CCDC149: variants seen among roughly 807,000 people sequenced by gnomAD.
The protein encoded by CCDC149 is coiled-coil domain-containing protein 149.
Under a neutral mutation model 59.9 loss-of-function variants are expected in CCDC149, and 45 were observed. The observed-to-expected ratio is 0.75, with a 90% CI of 0.59 to 0.96. The LOEUF is 0.96. Ranked by LOEUF, CCDC149 falls within the 40% of genes least tolerant of loss-of-function variation. The pLI is 0.00. For missense variants in CCDC149, 584 were observed against 664.7 expected (o/e 0.88, Z 1.33); for synonymous variants, 245 against 260.6 (o/e 0.94, Z 0.58).
At chr4:24,897,404 C>T (rs114824470) in intron 1 of CCDC149, among the ~76,000 whole-genome samples, 3,088 of 152,142 alleles carry the variant, frequency 0.02, 109 homozygotes, top group African/African-American at 0.07. Context: ...TTTGGGCCAA[C>T]ATGAGAGCTG....
At chr4:24,878,223 A>AG (rs1158003601) in intron 1 of CCDC149, among the ~76,000 whole-genome samples, 3 of 151,508 alleles carry the variant, frequency 2.0e-5, no homozygotes, top group African/African-American at 7.3e-5. Context: ...TCCTAAAAAA[A>AG]AAAAAAAAAA....
chr4:24,878,398 A>G (rs1328135337), intron 1 of CCDC149, among the ~76,000 whole-genome samples: 1 of 152,164 alleles, frequency 6.6e-6, no homozygotes, highest in Non-Finnish European at 1.5e-5. Context: ...TGAGACGTTG[A>G]CATCGTCTTC....
At position 24,808,762 on chromosome 4, in the gene CCDC149, G is replaced by T. The variant is rs200984075; in HGVS notation, c.1250C>A (p.Ala417Glu). The T allele has an allele frequency of 6.4e-7, 1 of 1,551,896 alleles. No individual in the cohort carries two copies. The highest frequency in any genetic ancestry group is 8.7e-7 in the Non-Finnish European group (1 of 1,147,042). ...AGCGGGCCTCCCAGCATCCTCAGGCGCTGTCAACGCCTCAGCAGCGGCACA... is the reference window on the plus strand; with the variant it reads ...AGCGGGCCTCCCAGCATCCTCAGGCTCTGTCAACGCCTCAGCAGCGGCACA... Residue 417 changes from alanine to glutamate, a missense_variant, in exon 13 of 13, where the codon GCG (alanine) becomes GAG (glutamate). Ala to Glu is a moderately radical substitution (Grantham distance 107, BLOSUM62 -1). Coordinates refer to ENST00000635206, the MANE Select transcript of CCDC149 (RefSeq NM_001330643.2).
intron 1 of CCDC149, among the ~76,000 whole-genome samples, chr4:24,908,990 A>T (rs145807701): frequency 6.6e-6 from 1 of 152,256 alleles, no homozygotes; most frequent in Non-Finnish European, 1.5e-5. Context: ...TCAGGTGGCG[A>T]TAAGAATATC....
chr4:24,891,211 G>A (rs61793770), intron 1 of CCDC149, among the ~76,000 whole-genome samples: 7 of 145,186 alleles, frequency 4.8e-5, no homozygotes, highest in Non-Finnish European at 9.3e-5. Flanking sequence ...CCAGCAAAAA[G>A]TCAGGCGGAG....
intron 9 of CCDC149, chr4:24,828,113 A>C (rs1423086186): frequency 6.6e-6 from 1 of 152,212 alleles, no homozygotes; most frequent in Non-Finnish European, 1.5e-5. Context: ...ATTTATTAAA[A>C]GTATGAAACA....
chr4:24,950,244 G>C (rs1346968661), intron 1 of CCDC149, among the ~76,000 whole-genome samples: 1 of 152,202 alleles, frequency 6.6e-6, no homozygotes, highest in Non-Finnish European at 1.5e-5. Flanking sequence ...GCCCAGGGCT[G>C]AATCCAGTCT....
chr4:24,855,574 C>CAA (rs10639019), intron 3 of CCDC149, among the ~76,000 whole-genome samples: 103,381 of 132,208 alleles, frequency 0.78, 39,966 homozygotes, highest in East Asian at 0.9. Context: ...GACTCTGTCT[C>CAA]AAAAAAAAAA....
At position 24,833,740 on chromosome 4, in the gene CCDC149, T is replaced by C. The variant is rs1716320060; in HGVS notation, c.820+1208A>G. Among the ~76,000 whole-genome samples the C allele has an allele frequency of 3.3e-5, 5 of 152,376 alleles. No homozygotes were observed. The South Asian group carries it at 1.0e-3, about 32-fold the overall frequency. On this transcript the variant is annotated intron_variant, in intron 8 of 12. Transcript: ENST00000635206. ...TCAATATTTTTTATTATAAGTAATG[T>C]ATGAAGAACTGTTTTGTAGCAAAAT...
At chr4:24,852,078 T>A (rs529152167) in intron 4 of CCDC149, among the ~76,000 whole-genome samples, 5 of 151,924 alleles carry the variant, frequency 3.3e-5, no homozygotes, top group African/African-American at 1.2e-4. Flanking sequence ...GCCAGCAGTA[T>A]GCAGCATCCT....
At chr4:24,977,438 T>C (rs2109374500) in intron 1 of CCDC149, among the ~76,000 whole-genome samples, 1 of 152,288 alleles carries the variant, frequency 6.6e-6, no homozygotes, top group South Asian at 2.1e-4. Context: ...AACTAACATT[T>C]CACTCCCCAA....
intron 1 of CCDC149, among the ~76,000 whole-genome samples, chr4:24,884,199 G>A (rs898268962): frequency 1.3e-5 from 2 of 152,162 alleles, no homozygotes; most frequent in Admixed American, 6.5e-5. Context: ...CGGTGGTCCC[G>A]TAAGATTATG....
At chr4:24,905,414 C>CGTGCGT (rs1491199183) in intron 1 of CCDC149, among the ~76,000 whole-genome samples, 15 of 78,650 alleles carry the variant, frequency 1.9e-4, no homozygotes, top group Non-Finnish European at 3.5e-4. Flanking sequence ...TGCGTGCGTG[C>CGTGCGT]GTGTGTGTGT....
Position 24,835,017 on chromosome 4 carries a change from G to T in CCDC149, c.751C>A (p.Arg251=). 1 of 1,613,610 alleles carries T rather than the reference G, an allele frequency of 6.2e-7. No individual in the cohort carries two copies. The highest frequency in any genetic ancestry group is 8.5e-7 in the Non-Finnish European group (1 of 1,179,600). Residue 251 remains arginine, a synonymous_variant, in exon 8 of 13, where the codon CGG becomes AGG. Coordinates refer to ENST00000635206, the MANE Select transcript of CCDC149 (RefSeq NM_001330643.2). ...TTACCCTGGCCCTTCGAGTTTTTCC[G>T]TCTCTCCAGAGCATTCTAAAACAGG...
chr4:24,928,278 G>A (rs1368864443), intron 1 of CCDC149, among the ~76,000 whole-genome samples: 1 of 152,154 alleles, frequency 6.6e-6, no homozygotes, highest in Non-Finnish European at 1.5e-5. Flanking sequence ...CTAGAGACAC[G>A]TACATTGGAC....
In CCDC149 at chr4:24,831,634, A is replaced by G. The variant is rs1383916788; in HGVS notation, c.837T>C (p.Ser279=). ...CTGGGAGGCTGCATCCATGATCCTC[A>G]GATAGCAGATCCTGAACTAGATAGG... Residue 279 remains serine (S), a synonymous_variant, in exon 9 of 13, where the codon TCT becomes TCC. Coordinates refer to ENST00000635206, the MANE Select transcript of CCDC149 (RefSeq NM_001330643.2). 1 of 1,613,940 alleles carries G rather than the reference A, an allele frequency of 6.2e-7. No homozygotes were observed. Among genetic ancestry groups the G allele is most frequent in the Non-Finnish European group, 8.5e-7 (1 of 1,179,974 alleles).
At chr4:24,834,403 G>GA (rs1385984277) in intron 8 of CCDC149, among the ~76,000 whole-genome samples, 3 of 152,128 alleles carry the variant, frequency 2.0e-5, no homozygotes, top group African/African-American at 7.2e-5. Context: ...CAAGAAGGAG[G>GA]AAAAAAATTG....
In CCDC149 at chr4:24,837,272, G is replaced by C; in HGVS notation, c.618C>G (p.His206Gln). ...CGTCCACGTCAATGATGCGGTTCTC[G>C]TGCCCACTCAGGATATGGTTCAGCT... Residue 206 changes from histidine (H) to glutamine (Q), a missense_variant, in exon 6 of 13, where the codon CAC becomes CAG. Physicochemically the swap from His to Gln is conservative, Grantham distance 24. Coordinates refer to ENST00000635206, the MANE Select transcript of CCDC149 (RefSeq NM_001330643.2). This position sits in a 1 kb window ranked among gnomAD's most constrained non-coding sequence, Gnocchi z 4.3. 6.2e-7 allele frequency: 1 copy of C among 1,614,190 alleles called. No homozygotes were observed. The highest frequency in any genetic ancestry group is 1.1e-5 in the South Asian group (1 of 91,078).
chr4:24,950,872 C>T (rs1399451613), intron 1 of CCDC149, among the ~76,000 whole-genome samples: 1 of 152,192 alleles, frequency 6.6e-6, no homozygotes, highest in Non-Finnish European at 1.5e-5. Flanking sequence ...ACCTGGCCAA[C>T]GTGGCCACAG....
Sources: allele counts gnomAD v4.1 joint callset (sites outside exome capture counted in the v4.1 genomes callset), GRCh38; gene constraint gnomAD v4.1.1; non-coding constraint Gnocchi (gnomAD v3.1); transcripts MANE v1.5; gene names NCBI Gene and HGNC (gene_info 2026-07-23, HGNC 2026-07-21).